Variants in ALG12 observed in about 807,000 individuals in gnomAD.
ALG12 encodes dol-P-Man:Man(7)GlcNAc(2)-PP-Dol alpha-1,6-mannosyltransferase.
Under a neutral mutation model 46.0 loss-of-function variants are expected in ALG12, and 36 were observed. The ratio of observed to expected loss-of-function variants is 0.78; its 90% CI spans 0.60 to 1.03. ALG12 has a LOEUF of 1.03. Among genes scored for constraint, ALG12 ranks in the 50% least tolerant of loss-of-function variants. The pLI, the probability that ALG12 is intolerant of heterozygous loss-of-function variation, is 0.00. For missense variants in ALG12, 599 were observed against 633.5 expected (o/e 0.95, Z 0.58); for synonymous variants, 326 against 291.6 (o/e 1.12, Z -1.20).
Position 49,913,730 on chromosome 22 carries a change from C to G in ALG12, c.36G>C (p.Leu12=), listed in dbSNP as rs144299945. 7.4e-6 allele frequency: 12 copies of G among 1,613,634 alleles called. No individual in the cohort carries two copies. The African/African-American group carries it at 1.3e-4, about 18-fold the overall frequency. Reference sequence around the variant, plus strand: ...CTACGGCCACCAGCAGCCCCAGCAGCAGGGGCCGCCTGCCTGATGACCCCT... The same window carrying G: ...CTACGGCCACCAGCAGCCCCAGCAGGAGGGGCCGCCTGCCTGATGACCCCT... ...AGKGSSGRRP[L]LLGLLVAVAT... is the part of the protein sequence containing the mutation. Residue 12 remains leucine (L), a synonymous_variant, in exon 2 of 10, where the codon CTG becomes CTC. Coordinates refer to ENST00000330817, the MANE Select transcript of ALG12 (RefSeq NM_024105.4).
chr22:49,902,435 T>C lies in ALG12; in HGVS notation c.*1403A>G, dbSNP rs1176273488. On this transcript the variant is annotated 3_prime_UTR_variant, in exon 10 of 10. Transcript: ENST00000330817. ...ATGTGCACTGTGTATGCATGGTGTGTGCACGTGTGCACTGTGTATGCATGG... is the reference window on the plus strand; with the variant it reads ...ATGTGCACTGTGTATGCATGGTGTGCGCACGTGTGCACTGTGTATGCATGG... The C allele has an allele frequency of 1.4e-5, 1 of 73,354 alleles. No individual in the cohort carries two copies. Among genetic ancestry groups the C allele is most frequent in the Admixed American group, 1.1e-4 (1 of 9,270 alleles). 4.5% of individuals were successfully genotyped at this position (73,354 alleles called of 1,614,324 possible).
the ALG12 span, among the ~76,000 whole-genome samples, chr22:49,864,589 G>A: frequency 1.3e-5 from 2 of 152,154 alleles, no homozygotes; most frequent in African/African-American, 4.8e-5. Context: ...GGTTGAGGTG[G>A]GAGGATCACT....
chr22:49,910,288 G>T, intron 4 of ALG12, 146 bp downstream of exon 4: 1 of 1,268,252 alleles, frequency 7.9e-7, no homozygotes, highest in Non-Finnish European at 1.1e-6. Context: ...AAAACAAAGA[G>T]CCTGGTTTCA....
Position 49,905,748 on chromosome 22 carries a change from C to A in ALG12, c.993-1242G>T, listed in dbSNP as rs1254113078. Among the ~76,000 whole-genome samples, 1 of 152,232 alleles carries A rather than the reference C, an allele frequency of 6.6e-6. No homozygotes were observed. The highest frequency in any genetic ancestry group is 1.5e-5 in the Non-Finnish European group (1 of 68,044). On this transcript the variant is annotated intron_variant, in intron 7 of 9. Coordinates refer to ENST00000330817, the MANE Select transcript of ALG12 (RefSeq NM_024105.4). This position sits in a 1 kb window ranked among gnomAD's most constrained non-coding sequence, Gnocchi z 4.9. ...TGAAGCCTCCTCTTTATAAATTATC[C>A]AGTCTCAGGTGTTTCTTTACATCAG...
Position 49,913,096 on chromosome 22 carries a change from G to A in ALG12, c.295+289C>T, listed in dbSNP as rs370522985. ...CCCATGGGGGCTTGCCAGGTGAGGC[G>A]GGAGCAGCAGGCTCAGGTGGCGAGA... On this transcript the variant is annotated intron_variant, in intron 3 of 9. Coordinates refer to ENST00000330817, the MANE Select transcript of ALG12 (RefSeq NM_024105.4). Among the ~76,000 whole-genome samples, 16 of 152,300 alleles carry A rather than the reference G, an allele frequency of 1.1e-4. No individual in the cohort carries two copies. The East Asian group carries it at 2.9e-3, about 28-fold the overall frequency.
chr22:49,910,141 A>G (rs2060567765), intron 4 of ALG12, 53 bp from the exon 5 acceptor site: 12 of 1,536,050 alleles, frequency 7.8e-6, no homozygotes, highest in Non-Finnish European at 9.7e-6. Flanking sequence ...CACCCGGCCC[A>G]GAAAACACCC....
chr22:49,900,698 G>A lies in ALG12; in HGVS notation c.*3140C>T, dbSNP rs2060500428. 1 of 152,258 alleles carries A rather than the reference G, an allele frequency of 6.6e-6. No individual in the cohort carries two copies. Among genetic ancestry groups the A allele is most frequent in the African/African-American group, 2.4e-5 (1 of 41,446 alleles). The allele number at this position is 152,258 out of a possible 1,614,324, so 9.4% of individuals were successfully genotyped here. ...GATGCGTGAGGATGCTGCTGTTGCT[G>A]GGGGCCAGGGTCCTCAGGGTGGAGA... On this transcript the variant is annotated 3_prime_UTR_variant, in exon 10 of 10. Transcript: ENST00000330817.
the ALG12 span, among the ~76,000 whole-genome samples, chr22:49,871,942 C>T: frequency 6.6e-6 from 1 of 152,044 alleles, no homozygotes; most frequent in African/African-American, 2.4e-5. Context: ...GACGAGGTTT[C>T]ACCATGTTGG....
At chr22:49,904,141 A>G (rs1360274053) in intron 9 of ALG12, 38 bp downstream of exon 9, 5 of 1,614,140 alleles carry the variant, frequency 3.1e-6, no homozygotes, top group East Asian at 2.2e-5. Context: ...GGGCCCTCAC[A>G]TGGCCTCTGG....
At chr22:49,860,796 T>TTTTTTA in the ALG12 span, among the ~76,000 whole-genome samples, 1 of 150,016 alleles carries the variant, frequency 6.7e-6, no homozygotes. Flanking sequence ...TTTTTTTTTT[T>TTTTTTA]GAGACAGAGT....
chr22:49,891,418 T>A, the ALG12 span, among the ~76,000 whole-genome samples: 2 of 152,216 alleles, frequency 1.3e-5, no homozygotes, highest in African/African-American at 4.8e-5. Flanking sequence ...CTGTTAATCG[T>A]CAGTCCTCTT....
At position 49,903,096 on chromosome 22, in the gene ALG12, G is replaced by A; in HGVS notation, c.*742C>T. The stretch of plus-strand genomic sequence containing the variant: ...GCACTTTGGTGCTTTATAAATGCAT[G>A]GTCAGTGAGGCTGACAGCACCAAGC... On this transcript the variant is annotated 3_prime_UTR_variant, in exon 10 of 10. Coordinates refer to ENST00000330817, the MANE Select transcript of ALG12 (RefSeq NM_024105.4). The A allele has an allele frequency of 2.8e-6, 1 of 352,094 alleles. No homozygotes were observed. The highest frequency in any genetic ancestry group is 5.6e-6 in the Non-Finnish European group (1 of 180,138). The allele number at this position is 352,094 out of a possible 1,614,324, so 21.8% of individuals were successfully genotyped here. A position where few individuals can be genotyped will look rare whatever the true frequency, so the allele number is the denominator to read the frequency against.
chr22:49,866,903 G>A, the ALG12 span, among the ~76,000 whole-genome samples: 5 of 152,192 alleles, frequency 3.3e-5, no homozygotes, highest in African/African-American at 4.8e-5. Context: ...GCAAATGCAC[G>A]TTCTTACCTC....
chr22:49,861,338 C>T, the ALG12 span, among the ~76,000 whole-genome samples: 1 of 152,020 alleles, frequency 6.6e-6, no homozygotes, highest in East Asian at 1.9e-4. Flanking sequence ...GATGGGGTTT[C>T]ACTGTGTTGG....
chr22:49,915,116 C>G (rs1460054834), intron 1 of ALG12, among the ~76,000 whole-genome samples: 3 of 152,148 alleles, frequency 2.0e-5, no homozygotes, highest in Non-Finnish European at 1.5e-5. Context: ...GAAGGAGAAC[C>G]CTATTTGATA....
chr22:49,883,951 G>A, the ALG12 span: 6 of 1,613,612 alleles, frequency 3.7e-6, no homozygotes, highest in South Asian at 3.3e-5. Context: ...CCTATACGAC[G>A]TGGCCATGGA....
At chr22:49,891,845 GCAA>G in the ALG12 span, among the ~76,000 whole-genome samples, 1 of 152,132 alleles carries the variant, frequency 6.6e-6, no homozygotes, top group African/African-American at 2.4e-5. Flanking sequence ...GACCACTCCT[GCAA>G]TAATAAAACA....
At chr22:49,865,985 C>T in the ALG12 span, among the ~76,000 whole-genome samples, 6 of 151,898 alleles carry the variant, frequency 4.0e-5, no homozygotes, top group Middle Eastern at 3.4e-3. Context: ...GCTGATTATA[C>T]GCGTGGGCCA....
At chr22:49,866,325 A>T in the ALG12 span, among the ~76,000 whole-genome samples, 1 of 150,672 alleles carries the variant, frequency 6.6e-6, no homozygotes, top group Admixed American at 6.6e-5. Flanking sequence ...CATATGTTGG[A>T]TCTTCTTTAC....
Sources: allele counts gnomAD v4.1 joint callset (sites outside exome capture counted in the v4.1 genomes callset), GRCh38; gene constraint gnomAD v4.1.1; non-coding constraint Gnocchi (gnomAD v3.1); transcripts MANE v1.5; gene names NCBI Gene and HGNC (gene_info 2026-07-23, HGNC 2026-07-21).